Variants in ZNF787 observed in about 807,000 individuals in gnomAD.
ZNF787 encodes TTF-I-interacting peptide 20.
Under a neutral mutation model 16.9 loss-of-function variants are expected in ZNF787, and 7 were observed. The observed-to-expected ratio is 0.42, with a 90% confidence interval of 0.24 to 0.78. The LOEUF (loss-of-function observed/expected upper bound fraction) is 0.78. ZNF787 is among the 30% of genes least tolerant of loss of function. ZNF787 has a pLI of 0.30. For synonymous variants in ZNF787, 345 were observed against 270.9 expected (o/e 1.27, Z -2.69); for missense variants, 551 against 589.3 (o/e 0.94, Z 0.67).
chr19:56,096,250 AAAT>A (rs1197062809), intron 2 of ZNF787, among the ~76,000 whole-genome samples: 3 of 116,784 alleles, frequency 2.6e-5, no homozygotes, highest in African/African-American at 8.4e-5. Flanking sequence ...AAAAATAAAA[AAAT>A]AAAAAAAATA....
chr19:56,087,427 G>C lies in ZNF787; in HGVS notation c.*596C>G, dbSNP rs568975113. ...CTTCCTCCACCACGCCCAGGCCTGG[G>C]ACAAACGGGCACCCGCCTCCTGCGG... On this transcript the variant is annotated 3_prime_UTR_variant, in exon 3 of 3. Transcript: ENST00000610935. 2 of 152,348 alleles carry C rather than the reference G, an allele frequency of 1.3e-5. No individual in the cohort carries two copies. The highest frequency in any genetic ancestry group is 2.9e-5 in the Non-Finnish European group (2 of 68,180). 9.4% of individuals were successfully genotyped at this position (152,348 alleles called of 1,614,324 possible).
intron 1 of ZNF787, among the ~76,000 whole-genome samples, chr19:56,113,734 C>G (rs553398403): frequency 6.6e-6 from 1 of 151,664 alleles, no homozygotes; most frequent in African/African-American, 2.4e-5. Context: ...TGAAGATGCA[C>G]GGCGTTTCTT....
intron 1 of ZNF787, among the ~76,000 whole-genome samples, chr19:56,111,739 C>G (rs1213991496): frequency 6.6e-6 from 1 of 152,110 alleles, no homozygotes; most frequent in Admixed American, 6.5e-5. Flanking sequence ...GGGGCCGACA[C>G]CTACCAGGGA....
At chr19:56,089,705 G>A (rs537044894) in intron 2 of ZNF787, among the ~76,000 whole-genome samples, 108 of 152,198 alleles carry the variant, frequency 7.1e-4, no homozygotes, top group Non-Finnish European at 1.2e-3. Flanking sequence ...CTGGCTCAAC[G>A]CCACCTCCAT....
chr19:56,094,959 C>A (rs929265120), intron 2 of ZNF787, among the ~76,000 whole-genome samples: 17 of 152,180 alleles, frequency 1.1e-4, no homozygotes, highest in South Asian at 8.3e-4. Context: ...TAAAAAAATA[C>A]AAAAATTAGC....
chr19:56,106,301 T>C (rs73615737), intron 1 of ZNF787, among the ~76,000 whole-genome samples: 2,490 of 152,324 alleles, frequency 0.016, 70 homozygotes, highest in African/African-American at 0.057. Flanking sequence ...CACTCCACTG[T>C]ACGGCGGCCA....
chr19:56,115,290 C>T (rs1469060058), intron 1 of ZNF787, among the ~76,000 whole-genome samples: 1 of 151,744 alleles, frequency 6.6e-6, no homozygotes, highest in Non-Finnish European at 1.5e-5. Flanking sequence ...AGAGGGAAGC[C>T]GTTGTCCCGT....
intron 1 of ZNF787, among the ~76,000 whole-genome samples, chr19:56,115,427 C>T (rs1411328859): frequency 2.7e-5 from 4 of 145,580 alleles, no homozygotes; most frequent in Admixed American, 7.0e-5. Flanking sequence ...GGCGCGATCT[C>T]GGCTCACTGC....
intron 2 of ZNF787, among the ~76,000 whole-genome samples, chr19:56,092,012 CG>C (rs1985610482): frequency 1.1e-5 from 1 of 88,530 alleles, no homozygotes; most frequent in African/African-American, 3.6e-5. Flanking sequence ...AAGCCAAAGC[CG>C]AAACCGAAGC....
chr19:56,098,972 T>G (rs72490744), intron 2 of ZNF787, among the ~76,000 whole-genome samples: 17,340 of 152,240 alleles, frequency 0.11, 1,312 homozygotes, highest in East Asian at 0.32. Context: ...CACCTGGGGC[T>G]GAGGCACTGC....
chr19:56,091,570 G>A (rs1345208391), intron 2 of ZNF787, among the ~76,000 whole-genome samples: 1 of 152,224 alleles, frequency 6.6e-6, no homozygotes, highest in Non-Finnish European at 1.5e-5. Flanking sequence ...AGTGCATGGA[G>A]GGGCTCCTTC....
At chr19:56,093,016 C>T (rs887025248) in intron 2 of ZNF787, among the ~76,000 whole-genome samples, 3 of 149,856 alleles carry the variant, frequency 2.0e-5, no homozygotes, top group Non-Finnish European at 4.4e-5. Context: ...CAGGAGGTGG[C>T]GGAAGTGGGC....
At chr19:56,113,725 G>A (rs1486993619) in intron 1 of ZNF787, among the ~76,000 whole-genome samples, 2 of 151,988 alleles carry the variant, frequency 1.3e-5, no homozygotes, top group African/African-American at 2.4e-5. Context: ...AGGGACTGCT[G>A]AAGATGCACG....
rs987858935 is a variant in ZNF787, at chr19:56,108,812, G to A, written c.-10-5585C>T. Among the ~76,000 whole-genome samples, 5 of 152,164 alleles carry A rather than the reference G, an allele frequency of 3.3e-5. No homozygotes were observed. The South Asian group carries it at 6.2e-4, about 19-fold the overall frequency. On this transcript the variant is annotated intron_variant, in intron 1 of 2. Transcript: ENST00000610935. The stretch of plus-strand genomic sequence containing the variant: ...CAGACCTCCCCTCGGACAGACCCCC[G>A]TGGGCTCTGGGTGCCTCGGATGGAA...
rs552324712 is a variant in ZNF787 at position 56,089,934 on chromosome 19, G to A, written c.80-842C>T. On this transcript the variant is annotated intron_variant, in intron 2 of 2. Coordinates refer to ENST00000610935, the MANE Select transcript of ZNF787 (RefSeq NM_001002836.4). Reference sequence around the variant, plus strand: ...GCTCATTCACTCCTGAGAAGGGTCCGTGTGCAGCTTCTACATTTGCTCTCC... The same window carrying A: ...GCTCATTCACTCCTGAGAAGGGTCCATGTGCAGCTTCTACATTTGCTCTCC... Among the ~76,000 whole-genome samples, 7 of 152,278 alleles carry A rather than the reference G, an allele frequency of 4.6e-5. No homozygotes were observed. In the East Asian group the frequency reaches 7.7e-4, roughly 17 times the overall value.
rs143069595 is a variant in ZNF787 at position 56,093,995 on chromosome 19, T to C, written c.80-4903A>G. On this transcript the variant is annotated intron_variant, in intron 2 of 2. Coordinates refer to ENST00000610935, the MANE Select transcript of ZNF787 (RefSeq NM_001002836.4). ...GTTGGATTTTCTTTTCCTAACTTGT[T>C]TCCTTTAAAACTGTTTTAATCTTTT... is the stretch of plus-strand genomic sequence containing the variant. Among the ~76,000 whole-genome samples the C allele has an allele frequency of 3.0e-4, 45 of 150,984 alleles. No individual in the cohort carries two copies. In the East Asian group the frequency reaches 8.2e-3, roughly 27 times the overall value.
At chr19:56,102,704 C>T (rs903606034) in intron 2 of ZNF787, 25 of 555,690 alleles carry the variant, frequency 4.5e-5, no homozygotes, top group Admixed American at 2.6e-4. Context: ...CATCAGCCTG[C>T]GGGTTCCCTG....
At chr19:56,093,796 C>T (rs1985755701) in intron 2 of ZNF787, among the ~76,000 whole-genome samples, 1 of 152,212 alleles carries the variant, frequency 6.6e-6, no homozygotes, top group Admixed American at 6.5e-5. Flanking sequence ...CGCTTTCTGC[C>T]ACGAAGGATC....
chr19:56,102,567 C>A, intron 2 of ZNF787: 1 of 412,166 alleles, frequency 2.4e-6, no homozygotes, highest in East Asian at 3.9e-5. Context: ...ATTAAACAAA[C>A]AAAACACATT....
Sources: allele counts gnomAD v4.1 joint callset (sites outside exome capture counted in the v4.1 genomes callset), GRCh38; gene constraint gnomAD v4.1.1; transcripts MANE v1.5; gene names NCBI Gene and HGNC (gene_info 2026-07-23, HGNC 2026-07-21).